Variants in ARHGAP26 observed in about 807,000 individuals in gnomAD.
ARHGAP26 encodes Rho GTPase activating protein 26.
A neutral mutation model predicts 104.8 loss-of-function variants in ARHGAP26; 38 were observed. The ratio of observed to expected loss-of-function variants is 0.36; its 90% CI spans 0.28 to 0.48. ARHGAP26 has a LOEUF of 0.48. Among genes scored for constraint, ARHGAP26 ranks in the 20% least tolerant of loss-of-function variants. The pLI is 0.99. For missense variants in ARHGAP26, 704 were observed against 947.9 expected (o/e 0.74, Z 3.38); for synonymous variants, 341 against 340.0 (o/e 1.00, Z -0.03).
intron 22 of ARHGAP26, 56 bp from the exon 23 acceptor site, chr5:143,222,302 C>A: frequency 7.6e-7 from 1 of 1,314,452 alleles, no homozygotes; most frequent in South Asian, 1.5e-5. Context: ...ACACATCTGC[C>A]GCCTGCTCTA....
chr5:142,816,702 G>T (rs1253233896), intron 1 of ARHGAP26, among the ~76,000 whole-genome samples: 1 of 152,238 alleles, frequency 6.6e-6, no homozygotes, highest in Admixed American at 6.5e-5. Flanking sequence ...GGAAGCAGTG[G>T]GTGGTAAGTT....
intron 1 of ARHGAP26, among the ~76,000 whole-genome samples, chr5:142,794,343 C>T (rs980775828): frequency 3.9e-5 from 6 of 152,112 alleles, no homozygotes; most frequent in Admixed American, 2.6e-4. Context: ...GATGATTTCC[C>T]AGAGGAATAC....
chr5:142,927,678 T>G (rs1011694196), intron 10 of ARHGAP26, among the ~76,000 whole-genome samples: 9 of 152,238 alleles, frequency 5.9e-5, no homozygotes, highest in African/African-American at 2.2e-4. Context: ...TCATTTCTCT[T>G]GAGTATATAT....
chr5:143,167,717 T>C (rs11742036), intron 20 of ARHGAP26, among the ~76,000 whole-genome samples: 1 of 152,172 alleles, frequency 6.6e-6, no homozygotes, highest in East Asian at 1.9e-4. Context: ...TTTTAACTGG[T>C]GCTGGGTTAA....
At chr5:143,028,672 G>A (rs1175358731) in intron 12 of ARHGAP26, among the ~76,000 whole-genome samples, 1 of 152,128 alleles carries the variant, frequency 6.6e-6, no homozygotes, top group Non-Finnish European at 1.5e-5. Context: ...TTATACAAGC[G>A]AGGAAGGTGA....
In ARHGAP26 at chr5:142,940,633, T is replaced by C. The variant is rs1453744268; in HGVS notation, c.1107+8508T>C. Among the ~76,000 whole-genome samples the C allele has an allele frequency of 7.2e-5, 11 of 152,230 alleles. No individual in the cohort carries two copies. In the East Asian group the frequency reaches 1.9e-3, roughly 27 times the overall value. The stretch of plus-strand genomic sequence containing the variant: ...CATTCCCCCAAGGGGCATGATCTTA[T>C]TCTTTTTTTATGGCTGCATAGTATT... On this transcript the variant is annotated intron_variant, in intron 11 of 22. Transcript: ENST00000645722.
intron 11 of ARHGAP26, among the ~76,000 whole-genome samples, chr5:142,992,537 C>A (rs767242055): frequency 6.6e-6 from 1 of 151,400 alleles, no homozygotes; most frequent in African/African-American, 2.4e-5. Flanking sequence ...ACGTCATTCT[C>A]CCGCCTCAGC....
intron 11 of ARHGAP26, among the ~76,000 whole-genome samples, chr5:142,963,144 T>C (rs4412136): frequency 7.0e-6 from 1 of 142,790 alleles, no homozygotes; most frequent in African/African-American, 2.8e-5. Context: ...TTCTTTTTTA[T>C]GGCTGTGTAG....
At chr5:142,881,385 G>T (rs371751156) in intron 4 of ARHGAP26, among the ~76,000 whole-genome samples, 30 of 152,278 alleles carry the variant, frequency 2.0e-4, no homozygotes, top group African/African-American at 7.0e-4. Context: ...TGATACCAGT[G>T]ATCTTAATGA....
Position 143,060,920 on chromosome 5 carries a change from TAGAA to T in ARHGAP26, c.1538+3178_1538+3181del, listed in dbSNP as rs148495379. Among the ~76,000 whole-genome samples the T allele has an allele frequency of 6.1e-3, 923 of 152,282 alleles. 7 individuals are homozygous for T. The highest frequency in any genetic ancestry group is 0.021 in the African/African-American group (886 of 41,566). On this transcript the variant is annotated intron_variant, in intron 17 of 22. Transcript: ENST00000645722. Reference sequence around the variant, plus strand: ...TTGGGATGTAGGCGAATATTAGAATTAGAAAGAAGAAGCTCAAAGCAGTGAGTTC... The same window carrying T: ...TTGGGATGTAGGCGAATATTAGAATTAGAAGAAGCTCAAAGCAGTGAGTTC...
intron 17 of ARHGAP26, among the ~76,000 whole-genome samples, chr5:143,060,540 C>G (rs2150315453): frequency 6.6e-6 from 1 of 152,096 alleles, no homozygotes. Flanking sequence ...GGATTTGTTT[C>G]AGACCTCAGA....
intron 1 of ARHGAP26, among the ~76,000 whole-genome samples, chr5:142,854,360 CCA>C (rs1752010155): frequency 6.6e-6 from 1 of 152,188 alleles, no homozygotes; most frequent in African/African-American, 2.4e-5. Context: ...TACATTCTTG[CCA>C]CTGAAATTTT....
chr5:142,921,207 G>A (rs1325177960), intron 10 of ARHGAP26, among the ~76,000 whole-genome samples: 9 of 152,158 alleles, frequency 5.9e-5, no homozygotes, highest in African/African-American at 2.2e-4. Context: ...CATTTGCACA[G>A]TAATAAGCTT....
At chr5:143,045,901 A>G (rs540541962) in intron 14 of ARHGAP26, among the ~76,000 whole-genome samples, 2 of 152,286 alleles carry the variant, frequency 1.3e-5, no homozygotes, top group African/African-American at 4.8e-5. Context: ...TGGGAGGTCA[A>G]GGTGAGCGAT....
intron 5 of ARHGAP26, among the ~76,000 whole-genome samples, chr5:142,891,296 C>T (rs929550247): frequency 6.6e-6 from 1 of 151,924 alleles, no homozygotes; most frequent in South Asian, 2.1e-4. Context: ...TATCTCCTTT[C>T]CCTGATTGGA....
At chr5:142,815,397 A>G (rs771105187) in intron 1 of ARHGAP26, among the ~76,000 whole-genome samples, 1 of 152,166 alleles carries the variant, frequency 6.6e-6, no homozygotes, top group Non-Finnish European at 1.5e-5. Flanking sequence ...ATGAGAACTC[A>G]CTTTAGTCTT....
intron 12 of ARHGAP26, among the ~76,000 whole-genome samples, chr5:143,034,249 T>G (rs13174827): frequency 0.06 from 9,183 of 152,156 alleles, 632 homozygotes; most frequent in African/African-American, 0.16. Context: ...CTCCTAGGTG[T>G]ATACTCAAAA....
intron 11 of ARHGAP26, among the ~76,000 whole-genome samples, chr5:142,993,648 C>CT (rs958603048): frequency 2.0e-5 from 3 of 150,512 alleles, no homozygotes; most frequent in Non-Finnish European, 4.4e-5. Context: ...GATTTTTTTT[C>CT]TTTTTTTTGA....
chr5:143,149,671 C>T (rs1028340579), intron 20 of ARHGAP26, among the ~76,000 whole-genome samples: 1 of 152,206 alleles, frequency 6.6e-6, no homozygotes, highest in African/African-American at 2.4e-5. Flanking sequence ...ACTTGGGTCT[C>T]AGCCTCAGGT....
Sources: gnomAD v4.1 joint callset for allele counts (sites outside exome capture counted in the v4.1 genomes callset) on GRCh38, gnomAD v4.1.1 for gene constraint, MANE v1.5 for transcripts, NCBI Gene and HGNC (gene_info 2026-07-23, HGNC 2026-07-21) for gene names.